SMAD2: variants seen among roughly 807,000 people sequenced by gnomAD.
SMAD2 encodes SMAD family member 2.
A neutral mutation model predicts 64.4 loss-of-function variants in SMAD2; 8 were observed. The ratio of observed to expected loss-of-function variants is 0.12; its 90% confidence interval spans 0.07 to 0.22. The LOEUF is 0.22. SMAD2 is among the 10% of genes least tolerant of loss of function. The pLI is 1.00. For missense variants in SMAD2, 289 were observed against 561.2 expected (o/e 0.51, Z 4.90); for synonymous variants, 203 against 195.8 (o/e 1.04, Z -0.31).
rs2031027717 is a variant in SMAD2, at chr18:47,859,874, A to G, written c.730+5185T>C. Among the ~76,000 whole-genome samples, 3 of 152,238 alleles carry G rather than the reference A, an allele frequency of 2.0e-5. No homozygotes were observed. The South Asian group carries it at 6.2e-4, about 31-fold the overall frequency. ...AATTACTAACATTATAAATTTTAAA[A>G]TGGATCTCACATATATGAAAGGAAT... On this transcript the variant is annotated intron_variant, in intron 6 of 10. Coordinates refer to ENST00000262160, the MANE Select transcript of SMAD2 (RefSeq NM_005901.6).
In SMAD2 at chr18:47,930,547, C is replaced by G. The variant is rs374328594; in HGVS notation, c.-240G>C. 6.7e-6 allele frequency: 1 copy of G among 148,940 alleles called. No homozygotes were observed. The highest frequency in any genetic ancestry group is 1.5e-5 in the Non-Finnish European group (1 of 67,036). 9.2% of individuals were successfully genotyped at this position (148,940 alleles called of 1,614,324 possible). A position where few individuals can be genotyped will look rare whatever the true frequency, so the allele number is the denominator to read the frequency against. On this transcript the variant is annotated 5_prime_UTR_variant, in exon 1 of 11. Coordinates refer to ENST00000262160, the MANE Select transcript of SMAD2 (RefSeq NM_005901.6). ...CCCCAGGCCCGGGCCCGGCCGGCGG[C>G]CCGGGCGCGCGGGAGGGTAGGGGAA...
rs1912386827 is a variant in SMAD2, at chr18:47,816,788, TA to T, written c.*25038del. ...TCTTTTTTTTTTTTTTTTGGAGACG[TA>T]GTTTTGCACTGTCGCCCAGGCTGGA... On this transcript the variant is annotated 3_prime_UTR_variant, in exon 11 of 11. Coordinates refer to ENST00000262160, the MANE Select transcript of SMAD2 (RefSeq NM_005901.6). The T allele has an allele frequency of 6.8e-6, 1 of 146,210 alleles. No homozygotes were observed. Among genetic ancestry groups the T allele is most frequent in the African/African-American group, 2.5e-5 (1 of 39,464 alleles). The allele number at this position is 146,210 out of a possible 1,614,324, so 9.1% of individuals were successfully genotyped here.
chr18:47,869,867 A>G (rs2031826175), intron 3 of SMAD2, among the ~76,000 whole-genome samples: 1 of 152,172 alleles, frequency 6.6e-6, no homozygotes, highest in South Asian at 2.1e-4. Flanking sequence ...ACCAACAATG[A>G]TGTGATAGTA....
chr18:47,920,201 T>C (rs2034507843), intron 1 of SMAD2: 1 of 152,060 alleles, frequency 6.6e-6, no homozygotes, highest in Non-Finnish European at 1.5e-5. Flanking sequence ...CTAACAACGG[T>C]CTCTTTTATA....
At position 47,851,347 on chromosome 18, in the gene SMAD2, A is replaced by T. The variant is rs755398640; in HGVS notation, c.731-20T>A. On this transcript the variant is annotated intron_variant, in intron 6 of 10. Coordinates refer to ENST00000262160, the MANE Select transcript of SMAD2 (RefSeq NM_005901.6). ...GAGAGCCTAAAACAAAAGGATTTAA[A>T]AATAAATGAAGTATTTCCAGAACTT... 4.5e-6 allele frequency: 7 copies of T among 1,554,042 alleles called. No homozygotes were observed. The South Asian group carries it at 7.8e-5, about 17-fold the overall frequency.
rs887838537 is a variant in SMAD2 at position 47,841,438 on chromosome 18, G to A, written c.*389C>T. On this transcript the variant is annotated 3_prime_UTR_variant, in exon 11 of 11. Coordinates refer to ENST00000262160, the MANE Select transcript of SMAD2 (RefSeq NM_005901.6). ...AGGTTTGCCTAGATCAAGAAGCAGC[G>A]CACACACACACCTCATCTATGCAAA... 8 of 312,636 alleles carry A rather than the reference G, an allele frequency of 2.6e-5. No homozygotes were observed. Among genetic ancestry groups the A allele is most frequent in the South Asian group, 1.3e-4 (2 of 15,134 alleles). The allele number at this position is 312,636 out of a possible 1,614,324, so 19.4% of individuals were successfully genotyped here. A position where few individuals can be genotyped will look rare whatever the true frequency, so the allele number is the denominator to read the frequency against.
In SMAD2 at chr18:47,813,647, C is replaced by G. The variant is rs533309865; in HGVS notation, c.*28180G>C. ...GGTCTCAAACTCGTGACCTCATGAT[C>G]CACCTGCCTCGGCCTCCCAAAGTGC... On this transcript the variant is annotated 3_prime_UTR_variant, in exon 11 of 11. Coordinates refer to ENST00000262160, the MANE Select transcript of SMAD2 (RefSeq NM_005901.6). 6.6e-6 allele frequency: 1 copy of G among 151,368 alleles called. No individual in the cohort carries two copies. The highest frequency in any genetic ancestry group is 2.4e-5 in the African/African-American group (1 of 41,154). 9.4% of individuals were successfully genotyped at this position (151,368 alleles called of 1,614,324 possible).
chr18:47,910,702 A>AT (rs2034093044), intron 1 of SMAD2, among the ~76,000 whole-genome samples: 1 of 152,156 alleles, frequency 6.6e-6, no homozygotes, highest in Non-Finnish European at 1.5e-5. Context: ...TGAATAGTAT[A>AT]TGTATTTTCT....
At chr18:47,866,381 C>CCTTTTACAATA (rs980738879) in intron 5 of SMAD2, among the ~76,000 whole-genome samples, 31 of 143,938 alleles carry the variant, frequency 2.2e-4, no homozygotes, top group African/African-American at 8.0e-4. Flanking sequence ...CCTTCAATAA[C>CCTTTTACAATA]CTTTTACAAT....
At chr18:47,875,723 A>C (rs2032225371) in intron 2 of SMAD2, among the ~76,000 whole-genome samples, 1 of 152,142 alleles carries the variant, frequency 6.6e-6, no homozygotes, top group South Asian at 2.1e-4. Flanking sequence ...GGGGCATCTC[A>C]AAGTGAAAAA....
rs1277872229 is a variant in SMAD2, at chr18:47,930,610, G to A, written c.-303C>T. The stretch of plus-strand genomic sequence containing the variant: ...GAGGGGAGGAGAGGGAAGGGGAGGG[G>A]AGGGAGCCTGGCCGCCGCCCGCGGG... On this transcript the variant is annotated 5_prime_UTR_variant, in exon 1 of 11. Coordinates refer to ENST00000262160, the MANE Select transcript of SMAD2 (RefSeq NM_005901.6). 6.7e-6 allele frequency: 1 copy of A among 149,774 alleles called. No homozygotes were observed. Among genetic ancestry groups the A allele is most frequent in the South Asian group, 2.1e-4 (1 of 4,796 alleles). 9.3% of individuals were successfully genotyped at this position (149,774 alleles called of 1,614,324 possible). A position where few individuals can be genotyped will look rare whatever the true frequency, so the allele number is the denominator to read the frequency against.
chr18:47,850,224 AATATATATTATATAT>A, intron 7 of SMAD2, among the ~76,000 whole-genome samples: 1 of 55,740 alleles, frequency 1.8e-5, no homozygotes, highest in African/African-American at 6.9e-5. Flanking sequence ...ATATATGTAT[AATATATATTATATAT>A]TATATATTAT....
chr18:47,857,172 T>C (rs1480678264), intron 6 of SMAD2, among the ~76,000 whole-genome samples: 1 of 152,218 alleles, frequency 6.6e-6, no homozygotes, highest in African/African-American at 2.4e-5. Context: ...TAATTTGAAA[T>C]GCTGTATCAT....
chr18:47,859,501 G>C (rs2030997752), intron 6 of SMAD2, among the ~76,000 whole-genome samples: 1 of 152,092 alleles, frequency 6.6e-6, no homozygotes, highest in Non-Finnish European at 1.5e-5. Flanking sequence ...AATTAAATTA[G>C]AAATTGATGA....
intron 2 of SMAD2, among the ~76,000 whole-genome samples, chr18:47,873,963 G>GA (rs1454981782): frequency 6.6e-6 from 1 of 151,310 alleles, no homozygotes; most frequent in Admixed American, 6.6e-5. Context: ...ACCCTGTAAA[G>GA]AAAGAGGCAC....
At chr18:47,864,941 C>CT in intron 6 of SMAD2, 118 bp downstream of exon 6, 1 of 694,120 alleles carries the variant, frequency 1.4e-6, no homozygotes, top group East Asian at 2.7e-5. Flanking sequence ...AGAAGATCAT[C>CT]TTTTTTGGTA....
Position 47,869,262 on chromosome 18 carries a change from A to G in SMAD2, c.501T>C (p.Tyr167=), listed in dbSNP as rs2031782947. ...KDEVCVNPYH[Y]QRVETPVLPP... Reference sequence around the variant, plus strand: ...TCCTACCTGGTGTCTCAACTCTCTGATAGTGGTAAGGGTTTACACATACTT... The same window carrying G: ...TCCTACCTGGTGTCTCAACTCTCTGGTAGTGGTAAGGGTTTACACATACTT... The change falls in exon 4 of 11, where the codon TAT becomes TAC. Residue 167 remains tyrosine (Y), a synonymous_variant. Coordinates refer to ENST00000262160, the MANE Select transcript of SMAD2 (RefSeq NM_005901.6). 6.2e-7 allele frequency: 1 copy of G among 1,613,574 alleles called. No homozygotes were observed. The highest frequency in any genetic ancestry group is 1.3e-5 in the African/African-American group (1 of 75,018).
intron 6 of SMAD2, among the ~76,000 whole-genome samples, chr18:47,854,979 T>C (rs1200833501): frequency 1.3e-5 from 2 of 152,198 alleles, no homozygotes; most frequent in Admixed American, 6.5e-5. Context: ...TTCACTGCCC[T>C]AAAAATGCCC....
At chr18:47,873,769 T>C (rs2032086486) in intron 2 of SMAD2, among the ~76,000 whole-genome samples, 1 of 152,146 alleles carries the variant, frequency 6.6e-6, no homozygotes, top group Admixed American at 6.5e-5. Context: ...CAAACTGTAC[T>C]GGATGAGAGC....
Sources: gnomAD v4.1 joint callset for allele counts (sites outside exome capture counted in the v4.1 genomes callset) on GRCh38, gnomAD v4.1.1 for gene constraint, MANE v1.5 for transcripts, NCBI Gene and HGNC (gene_info 2026-07-23, HGNC 2026-07-21) for gene names.